The following TBXAS1 variants were observed in gnomAD, a reference collection of about 807,000 sequenced individuals.
The protein encoded by TBXAS1 is thromboxane A synthase 1.
Under a neutral mutation model 60.7 loss-of-function variants are expected in TBXAS1, and 48 were observed. The observed-to-expected ratio is 0.79, with a 90% confidence interval of 0.63 to 1.01. The LOEUF is 1.01. TBXAS1 is among the 50% of genes least tolerant of loss of function. The pLI is 0.00. For synonymous variants in TBXAS1, 287 were observed against 269.7 expected, an observed-to-expected ratio of 1.06 and a Z score of -0.63; for missense variants, 685 against 686.3, an observed-to-expected ratio of 1.00 and a Z score of 0.02.
intron 9 of TBXAS1, among the ~76,000 whole-genome samples, chr7:139,990,644 C>T (rs1172343055): frequency 2.0e-5 from 3 of 152,072 alleles, no homozygotes; most frequent in Non-Finnish European, 2.9e-5. Context: ...TGCCCCCTCT[C>T]GGGGCCGCTC....
At chr7:139,893,325 G>GACACACACACAC (rs71170920) in intron 3 of TBXAS1, among the ~76,000 whole-genome samples, 1,802 of 139,948 alleles carry the variant, frequency 0.013, 19 homozygotes, top group South Asian at 0.019. Flanking sequence ...CTATGGAATA[G>GACACACACACAC]ACACACACAC....
intron 9 of TBXAS1, among the ~76,000 whole-genome samples, chr7:139,993,888 C>CTTTTTTTTTTTTTTTTTTTTTTTTTTT (rs1297350500): frequency 7.3e-6 from 1 of 137,730 alleles, no homozygotes; most frequent in Non-Finnish European, 1.6e-5. Flanking sequence ...CTTTTTCTTT[C>CTTTTTTTTTTTTTTTTTTTTTTTTTTT]TTTCTTTTTT....
intron 3 of TBXAS1, among the ~76,000 whole-genome samples, chr7:139,887,973 C>G (rs1803249866): frequency 6.6e-6 from 1 of 152,184 alleles, no homozygotes; most frequent in South Asian, 2.1e-4. Flanking sequence ...AGAGTGAGCT[C>G]AGGTTAAATT....
chr7:139,778,647 C>G lies in TBXAS1; in HGVS notation c.-318+176C>G, dbSNP rs1796866656. On this transcript the variant is annotated intron_variant, in intron 1 of 16. Transcript: ENST00000336425. This position sits in a 1 kb window ranked among gnomAD's most constrained non-coding sequence, Gnocchi z 4.8. ...CTGGGTTCCTGCCGGAGTCTGGCTT[C>G]CACGCCACCCTGATCTTCTCCTCCT... 6.6e-6 allele frequency among the ~76,000 whole-genome samples: 1 copy of G among 152,092 alleles called. No individual in the cohort carries two copies. The highest frequency in any genetic ancestry group is 2.1e-4 in the South Asian group (1 of 4,818).
At chr7:139,990,166 C>G (rs1812780523) in intron 9 of TBXAS1, among the ~76,000 whole-genome samples, 3 of 152,218 alleles carry the variant, frequency 2.0e-5, no homozygotes, top group Non-Finnish European at 4.4e-5. Context: ...CAGGCCTCCC[C>G]TCCCTAGTCC....
intron 3 of TBXAS1, among the ~76,000 whole-genome samples, chr7:139,878,115 G>C (rs567077167): frequency 6.6e-6 from 1 of 151,464 alleles, no homozygotes; most frequent in South Asian, 2.1e-4. Context: ...GTGTGAGAGA[G>C]AGAGAGAGAG....
chr7:139,971,001 A>C (rs1472834722), intron 9 of TBXAS1, among the ~76,000 whole-genome samples: 1 of 152,074 alleles, frequency 6.6e-6, no homozygotes, highest in Non-Finnish European at 1.5e-5. Flanking sequence ...CATGCCAAAC[A>C]ACTATAGCCA....
At position 139,899,973 on chromosome 7, in the gene TBXAS1, G is replaced by A. The variant is rs141518294; in HGVS notation, c.237-11252G>A. ...AAGTCTCAGTTTCTTATTCTGAAAA[G>A]TGGATAAAATAATGTCCTCATCCAT... is the stretch of plus-strand genomic sequence containing the variant. On this transcript the variant is annotated intron_variant, in intron 3 of 12. Coordinates refer to ENST00000448866, the MANE Select transcript of TBXAS1 (RefSeq NM_001061.7). Among the ~76,000 whole-genome samples the A allele has an allele frequency of 1.2e-3, 182 of 152,304 alleles. 1 individual carries two copies. Among genetic ancestry groups the A allele is most frequent in the African/African-American group, 4.1e-3 (171 of 41,566 alleles).
chr7:139,920,908 G>A (rs1806417432), intron 4 of TBXAS1, among the ~76,000 whole-genome samples: 1 of 152,130 alleles, frequency 6.6e-6, no homozygotes, highest in African/African-American at 2.4e-5. Flanking sequence ...GCTCAATGAA[G>A]GTTCCCAGAT....
Position 139,998,454 on chromosome 7 carries a change from G to T in TBXAS1, c.1135-8637G>T, listed in dbSNP as rs547599946. On this transcript the variant is annotated intron_variant, in intron 9 of 12. Coordinates refer to ENST00000448866, the MANE Select transcript of TBXAS1 (RefSeq NM_001061.7). Reference sequence around the variant, plus strand: ...CAGGTAGGCCCAGGTAATGGAAAAGGCTTGGAATTTGAAGACCTGGATTCA... The same window carrying T: ...CAGGTAGGCCCAGGTAATGGAAAAGTCTTGGAATTTGAAGACCTGGATTCA... 5.3e-5 allele frequency among the ~76,000 whole-genome samples: 8 copies of T among 152,276 alleles called. No homozygotes were observed. In the South Asian group the frequency reaches 6.2e-4, roughly 12 times the overall value.
At chr7:139,925,274 A>G (rs920066639) in intron 4 of TBXAS1, among the ~76,000 whole-genome samples, 9 of 152,182 alleles carry the variant, frequency 5.9e-5, no homozygotes, top group African/African-American at 2.2e-4. Context: ...CTTCCAATTC[A>G]TGAGTATGGA....
intron 5 of TBXAS1, among the ~76,000 whole-genome samples, chr7:139,945,933 A>T (rs536051146): frequency 9.2e-5 from 14 of 152,332 alleles, no homozygotes; most frequent in African/African-American, 3.4e-4. Context: ...TATTAGCAGG[A>T]TTCAATTCGT....
chr7:139,991,826 G>T (rs1309032316), intron 9 of TBXAS1, among the ~76,000 whole-genome samples: 1 of 152,224 alleles, frequency 6.6e-6, no homozygotes, highest in Non-Finnish European at 1.5e-5. Context: ...AGTCAGGACT[G>T]GACTGAAGCC....
At chr7:139,962,255 T>C (rs776170017) in intron 9 of TBXAS1, 22 bp downstream of exon 9, 1 of 1,613,450 alleles carries the variant, frequency 6.2e-7, no homozygotes, top group Non-Finnish European at 8.5e-7. Context: ...TTGGATCCAG[T>C]TACCCATGGG....
chr7:139,807,364 A>G (rs1281793091), intron 4 of TBXAS1, among the ~76,000 whole-genome samples: 1 of 151,318 alleles, frequency 6.6e-6, no homozygotes, highest in Non-Finnish European at 1.5e-5. Flanking sequence ...CTGTGATTAC[A>G]GAGGTGTCCC....
chr7:139,990,950 C>G (rs902272042), intron 9 of TBXAS1, among the ~76,000 whole-genome samples: 3 of 152,150 alleles, frequency 2.0e-5, no homozygotes, highest in Admixed American at 2.0e-4. Context: ...GGCACAGAGG[C>G]AGCAGGACAT....
At chr7:139,778,244 G>GT (rs1447840563), upstream of TBXAS1, 3 of 152,090 alleles carry the variant, frequency 2.0e-5, no homozygotes. The surrounding 1 kb of genome is among the most constrained non-coding windows in gnomAD (Gnocchi z 4.8). Flanking sequence ...CGGGTAGTGG[G>GT]TGAGAGGGCC....
intron 3 of TBXAS1, 75 bp downstream of exon 3, chr7:139,875,712 G>C (rs757053655): frequency 6.5e-7 from 1 of 1,538,826 alleles, no homozygotes; most frequent in African/African-American, 1.6e-5. Flanking sequence ...TTCACGTGTT[G>C]AACTGATATA....
At chr7:139,933,570 G>T (rs1022949121) in intron 4 of TBXAS1, among the ~76,000 whole-genome samples, 2 of 152,072 alleles carry the variant, frequency 1.3e-5, no homozygotes, top group Non-Finnish European at 2.9e-5. Flanking sequence ...TCTAAATATA[G>T]AGAGGTATTC....
Sources: gnomAD v4.1 joint callset for allele counts (sites outside exome capture counted in the v4.1 genomes callset) on GRCh38, gnomAD v4.1.1 for gene constraint, Gnocchi (gnomAD v3.1) non-coding constraint, MANE v1.5 for transcripts, NCBI Gene and HGNC (gene_info 2026-07-23, HGNC 2026-07-21) for gene names.